The following CNGB3 variants were observed in gnomAD, a reference collection of about 807,000 sequenced individuals.
CNGB3 encodes the protein cyclic nucleotide-gated channel beta-3.
CNGB3 carries 86 observed loss-of-function variants against 92.8 expected under a neutral mutation model. The observed-to-expected ratio is 0.93, with a 90% CI of 0.78 to 1.11. The LOEUF (loss-of-function observed/expected upper bound fraction) is 1.11, where lower values mean the gene tolerates loss of function less well. Among genes scored for constraint, CNGB3 ranks in the 50% least tolerant of loss-of-function variants. The probability of loss-of-function intolerance (pLI) is 0.00; values close to 1 mark genes in which losing one functional copy is unlikely to be tolerated. For synonymous variants in CNGB3, 333 were observed against 332.7 expected (o/e 1.00, Z -0.01); for missense variants, 1,026 against 956.8 (o/e 1.07, Z -0.95).
intron 13 of CNGB3, 123 bp downstream of exon 13, chr8:86,625,860 T>C (rs1283862072): frequency 2.6e-6 from 2 of 778,302 alleles, no homozygotes; most frequent in South Asian, 1.5e-5. Context: ...CCACATAATT[T>C]CTCTAGGTTA....
At chr8:86,580,190 C>CGGGGCGG (rs112115450) in intron 15 of CNGB3, among the ~76,000 whole-genome samples, 1 of 45,044 alleles carries the variant, frequency 2.2e-5, no homozygotes, top group African/African-American at 7.1e-5. Context: ...GAGAATAGCA[C>CGGGGCGG]GGGGGGGGTG....
intron 15 of CNGB3, chr8:86,594,175 C>G (rs2131549872): frequency 3.6e-6 from 1 of 277,744 alleles, no homozygotes; most frequent in South Asian, 3.7e-5. Context: ...CTCCAACGAT[C>G]ACCCACTGGG....
chr8:86,731,380 T>C (rs928816888), intron 2 of CNGB3, among the ~76,000 whole-genome samples: 1 of 152,164 alleles, frequency 6.6e-6, no homozygotes, highest in South Asian at 2.1e-4. Context: ...AGTCCTATAA[T>C]GTCCTGAAGG....
At chr8:86,698,122 T>G (rs1402555386) in intron 3 of CNGB3, among the ~76,000 whole-genome samples, 1 of 152,210 alleles carries the variant, frequency 6.6e-6, no homozygotes, top group African/African-American at 2.4e-5. Context: ...CTGCCAAAGA[T>G]CTGATAAAGC....
intron 3 of CNGB3, among the ~76,000 whole-genome samples, chr8:86,683,046 A>G (rs1824113018): frequency 6.6e-6 from 1 of 152,218 alleles, no homozygotes; most frequent in South Asian, 2.1e-4. Flanking sequence ...GTGACTGGGT[A>G]GTAAATGGTT....
At chr8:86,650,424 C>T (rs1002514933) in intron 7 of CNGB3, among the ~76,000 whole-genome samples, 5 of 151,232 alleles carry the variant, frequency 3.3e-5, no homozygotes, top group African/African-American at 7.3e-5. Context: ...ATGAAAAAGA[C>T]ACATGCACAT....
chr8:86,614,322 T>C (rs948124421), intron 13 of CNGB3, among the ~76,000 whole-genome samples: 1 of 152,108 alleles, frequency 6.6e-6, no homozygotes, highest in Non-Finnish European at 1.5e-5. Flanking sequence ...CCACAGTAAC[T>C]ACCTGTCAGT....
chr8:86,578,665 C>T (rs549923629), intron 17 of CNGB3, 24 bp downstream of exon 17: 85 of 1,612,054 alleles, frequency 5.3e-5, no homozygotes, highest in East Asian at 6.7e-5. Context: ...CCATGACAGC[C>T]GTCCATTCAC....
intron 6 of CNGB3, among the ~76,000 whole-genome samples, chr8:86,660,937 C>A (rs999495927): frequency 1.3e-5 from 2 of 152,166 alleles, no homozygotes; most frequent in Non-Finnish European, 2.9e-5. Flanking sequence ...AAAGGCCCTT[C>A]TTTCTGGTGT....
chr8:86,609,925 A>G (rs886551106), intron 14 of CNGB3, among the ~76,000 whole-genome samples: 1 of 151,856 alleles, frequency 6.6e-6, no homozygotes, highest in African/African-American at 2.4e-5. Flanking sequence ...CCATCTCCCA[A>G]CCCTGGATCT....
intron 3 of CNGB3, among the ~76,000 whole-genome samples, chr8:86,690,409 G>A (rs1248256843): frequency 6.6e-6 from 1 of 152,010 alleles, no homozygotes; most frequent in East Asian, 1.9e-4. Flanking sequence ...TGATGGGGTT[G>A]TTTTTTTCTT....
intron 3 of CNGB3, among the ~76,000 whole-genome samples, chr8:86,725,755 G>A (rs1825052163): frequency 6.6e-6 from 1 of 152,102 alleles, no homozygotes; most frequent in Non-Finnish European, 1.5e-5. Flanking sequence ...AGGGTGGAGT[G>A]GGATGGACGA....
At chr8:86,634,020 T>TTC (rs1364794061) in intron 10 of CNGB3, among the ~76,000 whole-genome samples, 1 of 152,140 alleles carries the variant, frequency 6.6e-6, no homozygotes, top group Non-Finnish European at 1.5e-5. Flanking sequence ...ATTTCTGTAC[T>TTC]TGAACAATTG....
chr8:86,655,106 G>A (rs1265883806), intron 6 of CNGB3, among the ~76,000 whole-genome samples: 1 of 152,140 alleles, frequency 6.6e-6, no homozygotes, highest in East Asian at 1.9e-4. Flanking sequence ...CTGCTTAGTG[G>A]TCCTACACTG....
chr8:86,728,798 AAG>A (rs1563768487), intron 2 of CNGB3, among the ~76,000 whole-genome samples: 2 of 152,204 alleles, frequency 1.3e-5, no homozygotes, highest in Non-Finnish European at 2.9e-5. Context: ...CTTACCCTAA[AAG>A]AAAATTAGGA....
intron 3 of CNGB3, among the ~76,000 whole-genome samples, chr8:86,695,235 G>A (rs547539206): frequency 1.4e-3 from 217 of 152,322 alleles, no homozygotes; most frequent in African/African-American, 4.7e-3. Flanking sequence ...GCAGTGAGCC[G>A]AGATGGCAGC....
chr8:86,587,344 A>G (rs1411345665), intron 15 of CNGB3, among the ~76,000 whole-genome samples: 2 of 152,102 alleles, frequency 1.3e-5, no homozygotes, highest in African/African-American at 2.4e-5. Flanking sequence ...TAGTTTAATT[A>G]GATCCCATTT....
intron 3 of CNGB3, among the ~76,000 whole-genome samples, chr8:86,705,187 A>G (rs963309615): frequency 6.6e-6 from 1 of 152,154 alleles, no homozygotes; most frequent in Admixed American, 6.5e-5. Context: ...TTGAATTCTC[A>G]TATGTATTTC....
chr8:86,613,825 G>C (rs986226456), intron 13 of CNGB3, among the ~76,000 whole-genome samples: 1 of 149,702 alleles, frequency 6.7e-6, no homozygotes, highest in Non-Finnish European at 1.5e-5. Context: ...GGAAATATTA[G>C]TGATTTTAAA....
Sources: allele counts gnomAD v4.1 joint callset (sites outside exome capture counted in the v4.1 genomes callset), GRCh38; gene constraint gnomAD v4.1.1; transcripts MANE v1.5; gene names NCBI Gene and HGNC (gene_info 2026-07-23, HGNC 2026-07-21).